Variants in CLSTN2 observed in about 807,000 individuals in gnomAD.
The protein encoded by CLSTN2 is calsyntenin-2.
In CLSTN2, 48 loss-of-function variants were observed where a neutral mutation model predicts 101.2. That is an observed-to-expected ratio of 0.47 (90% CI 0.38 to 0.60). The LOEUF is 0.60. CLSTN2 is among the 20% of genes least tolerant of loss of function. The probability of loss-of-function intolerance (pLI) is 0.00; values close to 1 mark genes in which losing one functional copy is unlikely to be tolerated. For missense variants in CLSTN2, 1,160 were observed against 1,238.2 expected, an observed-to-expected ratio of 0.94 and a Z score of 0.95; for synonymous variants, 481 against 463.6, an observed-to-expected ratio of 1.04 and a Z score of -0.48.
chr3:140,231,389 GT>G (rs1391957837), intron 2 of CLSTN2, among the ~76,000 whole-genome samples: 1 of 151,976 alleles, frequency 6.6e-6, no homozygotes, highest in Non-Finnish European at 1.5e-5. Context: ...TGAAAAACCG[GT>G]TTAAAAAAAA....
chr3:139,978,133 C>A (rs145045286), intron 1 of CLSTN2, among the ~76,000 whole-genome samples: 10 of 152,200 alleles, frequency 6.6e-5, no homozygotes, highest in African/African-American at 2.4e-4. Context: ...GAACCAGGAG[C>A]AGAAAAAAGC....
At chr3:140,343,613 G>A (rs1175720542) in intron 2 of CLSTN2, among the ~76,000 whole-genome samples, 1 of 152,182 alleles carries the variant, frequency 6.6e-6, no homozygotes, top group East Asian at 1.9e-4. Flanking sequence ...GCATTTTATT[G>A]TACCCAATAT....
chr3:140,171,574 A>C (rs1395261939), intron 1 of CLSTN2, among the ~76,000 whole-genome samples: 1 of 142,330 alleles, frequency 7.0e-6, no homozygotes, highest in Non-Finnish European at 1.5e-5. Context: ...AAAAATTTGT[A>C]ATGTAATATA....
At chr3:140,303,546 A>G (rs977365600) in intron 2 of CLSTN2, among the ~76,000 whole-genome samples, 1 of 152,182 alleles carries the variant, frequency 6.6e-6, no homozygotes, top group Admixed American at 6.5e-5. Context: ...CGTCCTTCAA[A>G]CACAGAGGTC....
chr3:140,189,683 TA>T (rs1219439439), intron 2 of CLSTN2, among the ~76,000 whole-genome samples: 2 of 152,230 alleles, frequency 1.3e-5, no homozygotes, highest in African/African-American at 4.8e-5. Context: ...GTAAATATTT[TA>T]ATTTTTGTAT....
chr3:140,143,581 C>T (rs2009735069), intron 1 of CLSTN2, among the ~76,000 whole-genome samples: 1 of 152,218 alleles, frequency 6.6e-6, no homozygotes, highest in South Asian at 2.1e-4. Context: ...GCTATCTGTA[C>T]ATCCCTGAGC....
At chr3:140,548,594 A>C (rs1319864621) in intron 10 of CLSTN2, among the ~76,000 whole-genome samples, 1 of 152,160 alleles carries the variant, frequency 6.6e-6, no homozygotes, top group Non-Finnish European at 1.5e-5. Context: ...GGGGATGGGA[A>C]AGAGGGAAGT....
In CLSTN2 at chr3:140,466,981, C is replaced by G. The variant is rs528952; in HGVS notation, c.1344+250C>G. Among the ~76,000 whole-genome samples the G allele has an allele frequency of 0.3, 44,996 of 152,112 alleles. 6,803 individuals are homozygous for G. Among genetic ancestry groups the G allele is most frequent in the Admixed American group, 0.38 (5,770 of 15,294 alleles). On this transcript the variant is annotated intron_variant, in intron 8 of 16. Coordinates refer to ENST00000458420, the MANE Select transcript of CLSTN2 (RefSeq NM_022131.3). ...CTGGGTCACTGGACCTGTCATGTGCCGTTTGTCCATTTGCTCCACATCGAG... is the reference window on the plus strand; with the variant it reads ...CTGGGTCACTGGACCTGTCATGTGCGGTTTGTCCATTTGCTCCACATCGAG...
At chr3:140,476,235 GCTTA>G (rs1191020800) in intron 8 of CLSTN2, among the ~76,000 whole-genome samples, 1 of 152,226 alleles carries the variant, frequency 6.6e-6, no homozygotes, top group African/African-American at 2.4e-5. Flanking sequence ...TGCTAATCCT[GCTTA>G]CTTGGGAGAC....
At chr3:140,128,159 T>C (rs752633446) in intron 1 of CLSTN2, among the ~76,000 whole-genome samples, 5 of 152,114 alleles carry the variant, frequency 3.3e-5, no homozygotes, top group Non-Finnish European at 7.4e-5. Flanking sequence ...TCAGATTTCC[T>C]AAGAGACCCC....
intron 1 of CLSTN2, among the ~76,000 whole-genome samples, chr3:140,128,311 G>A (rs1040267021): frequency 2.0e-5 from 3 of 152,140 alleles, no homozygotes; most frequent in African/African-American, 4.8e-5. Context: ...CCCACTGTGG[G>A]CCTGACTGCT....
chr3:140,437,038 C>A (rs112431048), intron 5 of CLSTN2, among the ~76,000 whole-genome samples: 7,170 of 140,014 alleles, frequency 0.051, 607 homozygotes, highest in African/African-American at 0.18. Context: ...CTTCTACCTG[C>A]TGGGAGGTTT....
chr3:140,549,297 AT>A (rs1311899210), intron 10 of CLSTN2, among the ~76,000 whole-genome samples: 1 of 150,258 alleles, frequency 6.7e-6, no homozygotes, highest in Non-Finnish European at 1.5e-5. Flanking sequence ...AACCATAGCA[AT>A]TTCTAGAGTC....
intron 5 of CLSTN2, among the ~76,000 whole-genome samples, chr3:140,427,481 C>T (rs935479579): frequency 4.0e-5 from 6 of 151,788 alleles, no homozygotes; most frequent in African/African-American, 7.3e-5. Context: ...AAGATCAATG[C>T]GAGGTGCCAG....
At chr3:140,541,880 C>T (rs1011211304) in intron 9 of CLSTN2, among the ~76,000 whole-genome samples, 5 of 152,150 alleles carry the variant, frequency 3.3e-5, no homozygotes, top group African/African-American at 1.2e-4. Flanking sequence ...GTTTAGGCTT[C>T]TGGAAACCAC....
Position 140,567,206 on chromosome 3 carries a change from A to G in CLSTN2, c.*953A>G, listed in dbSNP as rs1440522524. The G allele has an allele frequency of 1.3e-5, 2 of 152,276 alleles. No homozygotes were observed. Among genetic ancestry groups the G allele is most frequent in the Non-Finnish European group, 2.9e-5 (2 of 68,100 alleles). The allele number at this position is 152,276 out of a possible 1,614,324, so 9.4% of individuals were successfully genotyped here. A position where few individuals can be genotyped will look rare whatever the true frequency, so the allele number is the denominator to read the frequency against. ...CAAACGTAGGCTTCATGGTGGGTGG[A>G]GTGGGGGTGGCTGGGCTCCCCCAGG... On this transcript the variant is annotated 3_prime_UTR_variant, in exon 17 of 17. Transcript: ENST00000458420.
chr3:140,142,822 A>G (rs2009721296), intron 1 of CLSTN2, among the ~76,000 whole-genome samples: 1 of 152,178 alleles, frequency 6.6e-6, no homozygotes, highest in African/African-American at 2.4e-5. Context: ...CAGTTTGCCC[A>G]GCTGTAAAAT....
At chr3:140,547,290 A>AGGC (rs61138256) in intron 10 of CLSTN2, among the ~76,000 whole-genome samples, 30,268 of 151,992 alleles carry the variant, frequency 0.2, 4,285 homozygotes, top group African/African-American at 0.41. Flanking sequence ...CCTGACCAAC[A>AGGC]TGGTGAAACC....
At chr3:140,318,160 A>G (rs1198755857) in intron 2 of CLSTN2, among the ~76,000 whole-genome samples, 1 of 152,202 alleles carries the variant, frequency 6.6e-6, no homozygotes, top group Admixed American at 6.5e-5. Flanking sequence ...CACCTGCACC[A>G]TATCATCTCT....
Sources: gnomAD v4.1 joint callset for allele counts (sites outside exome capture counted in the v4.1 genomes callset) on GRCh38, gnomAD v4.1.1 for gene constraint, MANE v1.5 for transcripts, NCBI Gene and HGNC (gene_info 2026-07-23, HGNC 2026-07-21) for gene names.